The following BICC1 variants were observed in gnomAD, a reference collection of about 807,000 sequenced individuals.
BICC1 encodes BicC family RNA binding protein 1, also known as protein bicaudal C homolog 1.
In BICC1, 43 loss-of-function variants were observed where a neutral mutation model predicts 111.0. The observed-to-expected ratio is 0.39, with a 90% CI of 0.30 to 0.50. The LOEUF (loss-of-function observed/expected upper bound fraction) is 0.50. BICC1 is among the 20% of genes least tolerant of loss of function. The pLI is 0.88. For missense variants in BICC1, 1,091 were observed against 1,203.2 expected, an observed-to-expected ratio of 0.91 and a Z score of 1.38; for synonymous variants, 467 against 434.4, an observed-to-expected ratio of 1.07 and a Z score of -0.93.
At chr10:58,543,167 A>G (rs1476522391) in intron 1 of BICC1, among the ~76,000 whole-genome samples, 1 of 152,146 alleles carries the variant, frequency 6.6e-6, no homozygotes, top group Non-Finnish European at 1.5e-5. Flanking sequence ...TAGACATACA[A>G]TGGAATATTG....
chr10:58,688,373 A>C (rs1474197292), intron 2 of BICC1, among the ~76,000 whole-genome samples: 2 of 152,044 alleles, frequency 1.3e-5, no homozygotes, highest in African/African-American at 4.8e-5. Context: ...GTGCGTTTTT[A>C]CAGAGTGCTG....
chr10:58,582,580 C>A (rs1347192417), intron 1 of BICC1, among the ~76,000 whole-genome samples: 1 of 152,186 alleles, frequency 6.6e-6, no homozygotes, highest in African/African-American at 2.4e-5. Context: ...ATTACCACAA[C>A]CTTAGTGGCT....
chr10:58,772,025 A>G (rs1192359586), intron 3 of BICC1, among the ~76,000 whole-genome samples: 2 of 152,298 alleles, frequency 1.3e-5, no homozygotes, highest in Non-Finnish European at 1.5e-5. Context: ...GTGCTCATTT[A>G]CTGGCTTGGA....
intron 3 of BICC1, among the ~76,000 whole-genome samples, chr10:58,736,438 C>T (rs953913138): frequency 2.6e-5 from 4 of 152,172 alleles, no homozygotes; most frequent in Non-Finnish European, 4.4e-5. Flanking sequence ...ATTACTACCA[C>T]ATTTAATATA....
At chr10:58,653,828 C>T (rs1838532901) in intron 2 of BICC1, among the ~76,000 whole-genome samples, 2 of 111,464 alleles carry the variant, frequency 1.8e-5, no homozygotes, top group East Asian at 3.3e-4. Flanking sequence ...CTATCCCTCC[C>T]CCCTCCCCCC....
intron 3 of BICC1, among the ~76,000 whole-genome samples, chr10:58,766,911 A>T (rs372195441): frequency 6.6e-6 from 1 of 151,660 alleles, no homozygotes; most frequent in Admixed American, 6.6e-5. Context: ...ACTGGAGGAG[A>T]TTAGCATGTC....
intron 2 of BICC1, among the ~76,000 whole-genome samples, chr10:58,627,422 T>C (rs1837665739): frequency 6.6e-6 from 1 of 152,252 alleles, no homozygotes; most frequent in African/African-American, 2.4e-5. Flanking sequence ...GTGTTCTCCC[T>C]TTATGACTTA....
intron 3 of BICC1, among the ~76,000 whole-genome samples, chr10:58,741,483 T>C (rs1195290470): frequency 6.6e-6 from 1 of 152,176 alleles, no homozygotes; most frequent in Non-Finnish European, 1.5e-5. Context: ...ATTTTTGCTC[T>C]ATTTATATTA....
intron 18 of BICC1, chr10:58,814,430 A>G (rs946274571): frequency 2.0e-5 from 7 of 356,684 alleles, no homozygotes; most frequent in Non-Finnish European, 3.6e-5. Context: ...AAATGAATGC[A>G]TGAATGGGTA....
rs899232497 is a variant in BICC1 at position 58,715,638 on chromosome 10, A to G, written c.307+13495A>G. 2.2e-5 allele frequency: 35 copies of G among 1,605,634 alleles called. No individual in the cohort carries two copies. The African/African-American group carries it at 2.9e-4, about 14-fold the overall frequency. On this transcript the variant is annotated intron_variant, in intron 3 of 20. Transcript: ENST00000373886. ...GGGTCCAATCCAGTCTTCAGGGCCA[A>G]CAATACAGGATTATCTGAATTGACC...
At chr10:58,565,887 T>C (rs567414830) in intron 1 of BICC1, among the ~76,000 whole-genome samples, 2 of 152,198 alleles carry the variant, frequency 1.3e-5, no homozygotes, top group East Asian at 3.9e-4. Flanking sequence ...TCTTTAGTGG[T>C]GATTTCTGAA....
chr10:58,639,985 C>T (rs7917042), intron 2 of BICC1, among the ~76,000 whole-genome samples: 150,177 of 152,246 alleles, frequency 0.99, 74,098 homozygotes, highest in Middle Eastern at 1. Flanking sequence ...TATTGAGAAA[C>T]GGGGTCCAGT....
At chr10:58,815,058 G>A (rs1844045488) in intron 18 of BICC1, among the ~76,000 whole-genome samples, 1 of 152,186 alleles carries the variant, frequency 6.6e-6, no homozygotes, top group African/African-American at 2.4e-5. Context: ...TGTATAAACA[G>A]ATGAGAGCTG....
At position 58,703,840 on chromosome 10, in the gene BICC1, TAATC is replaced by T. The variant is rs564745184; in HGVS notation, c.307+1699_307+1702del. Among the ~76,000 whole-genome samples, 48 of 152,346 alleles carry T rather than the reference TAATC, an allele frequency of 3.2e-4. No homozygotes were observed. The South Asian group carries it at 9.3e-3, about 30-fold the overall frequency. ...TTACTAGCCTAATAAAAATGCAACTTAATCAGTCTCCAAAGAAAATCCCCAAGGA... is the reference window on the plus strand; with the variant it reads ...TTACTAGCCTAATAAAAATGCAACTTAGTCTCCAAAGAAAATCCCCAAGGA... On this transcript the variant is annotated intron_variant, in intron 3 of 20. Transcript: ENST00000373886.
intron 15 of BICC1, among the ~76,000 whole-genome samples, chr10:58,804,802 T>C (rs901414905): frequency 6.6e-6 from 1 of 152,194 alleles, no homozygotes; most frequent in African/African-American, 2.4e-5. Context: ...TGACTCTTAA[T>C]AAATCACTAA....
chr10:58,649,671 A>G (rs991085162), intron 2 of BICC1, among the ~76,000 whole-genome samples: 3 of 152,260 alleles, frequency 2.0e-5, no homozygotes, highest in African/African-American at 7.2e-5. Flanking sequence ...GTAAGTAAGG[A>G]GATATTTGCT....
chr10:58,637,980 G>C (rs1838001801), intron 2 of BICC1, among the ~76,000 whole-genome samples: 1 of 152,074 alleles, frequency 6.6e-6, no homozygotes, highest in Non-Finnish European at 1.5e-5. Context: ...ACTGATATTA[G>C]GAAATTAGAA....
At position 58,636,894 on chromosome 10, in the gene BICC1, G is replaced by A. The variant is rs1032659382; in HGVS notation, c.237+15993G>A. ...AAACAGTAAAGCATTGAGCAAATGC[G>A]AGAGATGATTTGATTCTTTAGAGAA... On this transcript the variant is annotated intron_variant, in intron 2 of 20. Coordinates refer to ENST00000373886, the MANE Select transcript of BICC1 (RefSeq NM_001080512.3). Among the ~76,000 whole-genome samples the A allele has an allele frequency of 4.6e-5, 7 of 151,524 alleles. No individual in the cohort carries two copies. In the South Asian group the frequency reaches 8.5e-4, roughly 18 times the overall value.
At chr10:58,662,198 A>G (rs1026716465) in intron 2 of BICC1, among the ~76,000 whole-genome samples, 1 of 152,198 alleles carries the variant, frequency 6.6e-6, no homozygotes, top group Non-Finnish European at 1.5e-5. Context: ...AATACAAATG[A>G]CACATATCTT....
Sources: gnomAD v4.1 joint callset for allele counts (sites outside exome capture counted in the v4.1 genomes callset) on GRCh38, gnomAD v4.1.1 for gene constraint, MANE v1.5 for transcripts, NCBI Gene and HGNC (gene_info 2026-07-23, HGNC 2026-07-21) for gene names.